The following CADPS2 variants were observed in gnomAD, a reference collection of about 807,000 sequenced individuals.
CADPS2 encodes the protein calcium-dependent secretion activator 2.
In CADPS2, 93 loss-of-function variants were observed where a neutral mutation model predicts 172.5. That is an observed-to-expected ratio of 0.54 (90% CI 0.46 to 0.64). The LOEUF (loss-of-function observed/expected upper bound fraction) is 0.64. Among genes scored for constraint, CADPS2 ranks in the 30% least tolerant of loss-of-function variants. The pLI is 0.00. For synonymous variants in CADPS2, 546 were observed against 555.2 expected (o/e 0.98, Z 0.23); for missense variants, 1,420 against 1,565.9 (o/e 0.91, Z 1.57).
intron 15 of CADPS2, among the ~76,000 whole-genome samples, chr7:122,449,394 T>C (rs2052744206): frequency 1.3e-5 from 2 of 152,192 alleles, no homozygotes; most frequent in Non-Finnish European, 2.9e-5. Context: ...GAGCTCACTG[T>C]AGCATTGACT....
chr7:122,830,021 TA>T (rs11380726), intron 1 of CADPS2, among the ~76,000 whole-genome samples: 50 of 147,860 alleles, frequency 3.4e-4, no homozygotes, highest in East Asian at 6.0e-4. Context: ...AATATCATAT[TA>T]AAAAAAAAAA....
At chr7:122,616,247 T>C (rs1473690473) in intron 5 of CADPS2, among the ~76,000 whole-genome samples, 1 of 152,104 alleles carries the variant, frequency 6.6e-6, no homozygotes, top group African/African-American at 2.4e-5. Context: ...CATGTGGTAT[T>C]TGCACAAACA....
At chr7:122,388,888 C>G in intron 22 of CADPS2, 150 bp from the exon 23 acceptor site, 1 of 738,822 alleles carries the variant, frequency 1.4e-6, no homozygotes, top group South Asian at 3.1e-5. Flanking sequence ...TTTGTTCAGC[C>G]TTCTAATTGT....
chr7:122,357,121 T>C (rs1187656481), intron 27 of CADPS2, among the ~76,000 whole-genome samples: 1 of 152,168 alleles, frequency 6.6e-6, no homozygotes, highest in Non-Finnish European at 1.5e-5. Context: ...AAATTCACAC[T>C]GATATTTCCA....
chr7:122,442,343 C>G (rs2051464847), intron 15 of CADPS2, among the ~76,000 whole-genome samples: 1 of 152,124 alleles, frequency 6.6e-6, no homozygotes, highest in South Asian at 2.1e-4. Flanking sequence ...CTTTTTGGAG[C>G]TCCTTGCTTT....
intron 24 of CADPS2, among the ~76,000 whole-genome samples, chr7:122,386,543 T>C (rs940874688): frequency 2.6e-5 from 4 of 151,854 alleles, no homozygotes; most frequent in African/African-American, 7.3e-5. Flanking sequence ...ATAAATAAAA[T>C]AGAAAGAATA....
At chr7:122,493,512 T>C (rs1343979168) in intron 9 of CADPS2, among the ~76,000 whole-genome samples, 1 of 152,112 alleles carries the variant, frequency 6.6e-6, no homozygotes, top group African/African-American at 2.4e-5. Flanking sequence ...AACACAAAGA[T>C]AACATTTCAT....
At chr7:122,493,138 T>A (rs746227543) in intron 9 of CADPS2, among the ~76,000 whole-genome samples, 1 of 152,116 alleles carries the variant, frequency 6.6e-6, no homozygotes, top group Admixed American at 6.6e-5. Context: ...AGAAGATGCA[T>A]GCAAAACATA....
At chr7:122,350,381 A>G (rs1261913251) in intron 27 of CADPS2, among the ~76,000 whole-genome samples, 2 of 152,188 alleles carry the variant, frequency 1.3e-5, no homozygotes, top group Admixed American at 1.3e-4. Flanking sequence ...TTCTTTCACT[A>G]TTTAATATAT....
At chr7:122,681,562 T>C (rs980217379) in intron 2 of CADPS2, 3 of 1,485,920 alleles carry the variant, frequency 2.0e-6, no homozygotes, top group Non-Finnish European at 1.9e-6. Flanking sequence ...CACAGCAAAG[T>C]AGTCAGGAAT....
At chr7:122,569,547 G>A (rs2066920129) in intron 7 of CADPS2, among the ~76,000 whole-genome samples, 2 of 132,468 alleles carry the variant, frequency 1.5e-5, no homozygotes, top group Admixed American at 7.7e-5. Flanking sequence ...AGTTCATATG[G>A]AACCAAAAAA....
intron 1 of CADPS2, among the ~76,000 whole-genome samples, chr7:122,799,075 G>A (rs1160333156): frequency 6.6e-6 from 1 of 151,960 alleles, no homozygotes; most frequent in Non-Finnish European, 1.5e-5. Flanking sequence ...AGATAAATAA[G>A]AAAGTGCCTT....
At chr7:122,519,911 C>A (rs1393313494) in intron 8 of CADPS2, among the ~76,000 whole-genome samples, 1 of 151,640 alleles carries the variant, frequency 6.6e-6, no homozygotes, top group Non-Finnish European at 1.5e-5. Flanking sequence ...ATAGTTACTA[C>A]CAACAAGGCA....
chr7:122,724,991 T>C (rs2090931472), intron 2 of CADPS2, among the ~76,000 whole-genome samples: 1 of 152,098 alleles, frequency 6.6e-6, no homozygotes, highest in South Asian at 2.1e-4. Context: ...TATAGTAGTA[T>C]GTGTTTCTAT....
intron 25 of CADPS2, among the ~76,000 whole-genome samples, chr7:122,367,539 G>GTTTT (rs202155427): frequency 0.071 from 7,003 of 99,310 alleles, 654 homozygotes; most frequent in East Asian, 0.16. Context: ...CCTTCCCCCA[G>GTTTT]TTTTTTTTTT....
At chr7:122,694,956 T>C (rs1453646756) in intron 2 of CADPS2, among the ~76,000 whole-genome samples, 1 of 152,190 alleles carries the variant, frequency 6.6e-6, no homozygotes, top group Non-Finnish European at 1.5e-5. Context: ...GATACCTACG[T>C]GCTGCTTCAA....
intron 3 of CADPS2, among the ~76,000 whole-genome samples, chr7:122,633,205 A>G (rs1044699626): frequency 2.6e-5 from 4 of 152,148 alleles, no homozygotes; most frequent in Non-Finnish European, 4.4e-5. Context: ...TGAATTTTAG[A>G]ATAGATTTTT....
intron 15 of CADPS2, among the ~76,000 whole-genome samples, chr7:122,445,232 T>TA (rs901136915): frequency 6.6e-5 from 10 of 152,156 alleles, no homozygotes; most frequent in African/African-American, 2.2e-4. Context: ...GGTTAATTTC[T>TA]AAAAAACAAT....
intron 7 of CADPS2, among the ~76,000 whole-genome samples, chr7:122,574,445 T>TAAAAAAAAAAAAAAA (rs869077766): frequency 2.4e-4 from 9 of 37,976 alleles, no homozygotes; most frequent in African/African-American, 7.7e-4. Flanking sequence ...GACCCTGTCT[T>TAAAAAAAAAAAAAAA]AAAAAAAAAA....
Sources: allele counts gnomAD v4.1 joint callset (sites outside exome capture counted in the v4.1 genomes callset), GRCh38; gene constraint gnomAD v4.1.1; transcripts MANE v1.5; gene names NCBI Gene and HGNC (gene_info 2026-07-23, HGNC 2026-07-21).